Variants in MB observed in about 807,000 individuals in gnomAD.
The protein encoded by MB is nitrite reductase MB.
Under a neutral mutation model 14.5 loss-of-function variants are expected in MB, and 10 were observed. The ratio of observed to expected loss-of-function variants is 0.69; its 90% CI spans 0.43 to 1.17. The LOEUF (loss-of-function observed/expected upper bound fraction) is 1.17, where lower values mean the gene tolerates loss of function less well. Ranked by LOEUF, MB falls within the 50% of genes most tolerant of loss-of-function variation. The pLI, the probability that MB is intolerant of heterozygous loss-of-function variation, is 0.00. For synonymous variants in MB, 89 were observed against 78.6 expected (o/e 1.13, Z -0.70); for missense variants, 169 against 192.7 (o/e 0.88, Z 0.73).
At chr22:35,618,341 C>T (rs1005216686), upstream of MB, among the ~76,000 whole-genome samples, 1 of 152,134 alleles carries the variant, frequency 6.6e-6, no homozygotes, top group Non-Finnish European at 1.5e-5. Flanking sequence ...GTGCTTTGTG[C>T]CAAGTTTGAA....
Position 35,608,052 on chromosome 22 carries a change from G to T in MB, c.319-609C>A, listed in dbSNP as rs553958795. On this transcript the variant is annotated intron_variant, in intron 2 of 2. Coordinates refer to ENST00000397326, the MANE Select transcript of MB (RefSeq NM_005368.3). The surrounding 1 kb of genome is among the most constrained non-coding windows in gnomAD (Gnocchi z 4.3). Reference sequence around the variant, plus strand: ...AGAGAGAGGAAGAAGACAGGGATGAGGCCCGCGGCTGGCTCCCAGGATGGA... The same window carrying T: ...AGAGAGAGGAAGAAGACAGGGATGATGCCCGCGGCTGGCTCCCAGGATGGA... Among the ~76,000 whole-genome samples the T allele has an allele frequency of 5.9e-5, 9 of 152,278 alleles. No individual in the cohort carries two copies. In the South Asian group the frequency reaches 1.9e-3, roughly 32 times the overall value.
intron 1 of MB, among the ~76,000 whole-genome samples, chr22:35,611,311 G>T (rs1341172788): frequency 6.6e-6 from 1 of 152,164 alleles, no homozygotes. Flanking sequence ...GATAGTGTGT[G>T]CTATGTACCA....
intron 1 of MB, among the ~76,000 whole-genome samples, chr22:35,614,747 CATTAT>C (rs1569121035): frequency 6.6e-6 from 1 of 151,908 alleles, no homozygotes; most frequent in Non-Finnish European, 1.5e-5. Flanking sequence ...TTATCATTAT[CATTAT>C]CATTATCATC....
In MB at chr22:35,610,696, C is replaced by G. The variant is rs549069187; in HGVS notation, c.318+188G>C. Among the ~76,000 whole-genome samples, 9 of 152,294 alleles carry G rather than the reference C, an allele frequency of 5.9e-5. No homozygotes were observed. The South Asian group carries it at 1.9e-3, about 32-fold the overall frequency. On this transcript the variant is annotated intron_variant, in intron 2 of 2. Coordinates refer to ENST00000397326, the MANE Select transcript of MB (RefSeq NM_005368.3). ...ATTAAAAATGCTAAGTGTGTTCATT[C>G]TCAACAATCCCAGGAGGAAGGCAAA...
At position 35,607,440 on chromosome 22, in the gene MB, T is replaced by C. The variant is rs1198872473; in HGVS notation, c.322A>G (p.Ile108Val). The C allele has an allele frequency of 6.2e-7, 1 of 1,613,632 alleles. No individual in the cohort carries two copies. The highest frequency in any genetic ancestry group is 8.5e-7 in the Non-Finnish European group (1 of 1,179,650). ...AGAACCTGGATGATGCATTCCGAGA[T>C]GAACTGCAGGGAGGGTGAGGAGAGA... ...HKIPVKYLEF[I>V]SECIIQVLQS... Residue 108 changes from isoleucine to valine, a missense_variant, in exon 3 of 3, where the codon ATC becomes GTC. By Grantham distance (29) the Ile-to-Val change is conservative (BLOSUM62 3). Transcript: ENST00000397326.
At chr22:35,618,703 A>G (rs868648991), upstream of MB, among the ~76,000 whole-genome samples, 23 of 151,452 alleles carry the variant, frequency 1.5e-4, no homozygotes, top group Admixed American at 5.3e-4. Context: ...CTATCCATCC[A>G]CCCATCCATC....
intron 1 of MB, among the ~76,000 whole-genome samples, chr22:35,616,895 T>C (rs1338412058): frequency 6.6e-6 from 1 of 152,166 alleles, no homozygotes; most frequent in Non-Finnish European, 1.5e-5. Flanking sequence ...TGTCTATAAT[T>C]CTAAAATTCT....
At position 35,607,264 on chromosome 22, in the gene MB, G is replaced by A; in HGVS notation, c.*33C>T. On this transcript the variant is annotated 3_prime_UTR_variant, in exon 3 of 3. Transcript: ENST00000397326. ...GACCCCGCTCTCTCTTGAACCCGGGGCCCAGATGGGTGGGGGTGGGAGCGG... is the reference window on the plus strand; with the variant it reads ...GACCCCGCTCTCTCTTGAACCCGGGACCCAGATGGGTGGGGGTGGGAGCGG... 6.3e-7 allele frequency: 1 copy of A among 1,598,496 alleles called. No individual in the cohort carries two copies. The highest frequency in any genetic ancestry group is 8.5e-7 in the Non-Finnish European group (1 of 1,169,894).
intron 2 of MB, among the ~76,000 whole-genome samples, 177 bp from the exon 3 acceptor site, chr22:35,607,620 C>A (rs962567129): frequency 2.0e-5 from 3 of 152,182 alleles, no homozygotes; most frequent in Non-Finnish European, 2.9e-5. Flanking sequence ...TCCCCACAAC[C>A]ACTGTGAGAT....
chr22:35,614,436 A>G (rs187632404), intron 1 of MB, among the ~76,000 whole-genome samples: 58 of 152,050 alleles, frequency 3.8e-4, no homozygotes, highest in African/African-American at 1.4e-3. Context: ...AAAAATACAA[A>G]AATTAGCCAG....
At chr22:35,616,109 G>A (rs1341100698) in intron 1 of MB, among the ~76,000 whole-genome samples, 2 of 152,174 alleles carry the variant, frequency 1.3e-5, no homozygotes, top group African/African-American at 4.8e-5. Flanking sequence ...AAATTAAAGT[G>A]CCAAAGACAA....
rs2145913846 is a variant in MB at position 35,610,906 on chromosome 22, T to G, written c.296A>C (p.Lys99Thr). 3.7e-6 allele frequency: 6 copies of G among 1,614,046 alleles called. No homozygotes were observed. Among genetic ancestry groups the G allele is most frequent in the Non-Finnish European group, 5.1e-6 (6 of 1,179,970 alleles). Reference protein sequence around the residue: ...PLAQSHATKHKIPVKYLEFIS... With the variant: ...PLAQSHATKHTIPVKYLEFIS... The stretch of plus-strand genomic sequence containing the variant: ...TACCTCCAGGTACTTCACGGGGATC[T>G]TGTGCTTGGTGGCATGCGACTGTGC... The change falls in exon 2 of 3, where the codon AAG becomes ACG. Residue 99 changes from lysine to threonine, a missense_variant. Lys to Thr is a moderately conservative substitution (Grantham distance 78). Transcript: ENST00000397326.
At chr22:35,621,468 T>G (rs5995128), upstream of MB, among the ~76,000 whole-genome samples, 1 of 152,154 alleles carries the variant, frequency 6.6e-6, no homozygotes, top group Non-Finnish European at 1.5e-5. Flanking sequence ...GATTCCAGAC[T>G]TATAGAGAGC....
At chr22:35,614,455 G>A (rs1226396690) in intron 1 of MB, among the ~76,000 whole-genome samples, 1 of 149,170 alleles carries the variant, frequency 6.7e-6, no homozygotes, top group Non-Finnish European at 1.5e-5. Context: ...AGGCATGGTG[G>A]CATGCACCTG....
intron 1 of MB, among the ~76,000 whole-genome samples, 197 bp from the exon 2 acceptor site, chr22:35,611,303 T>G (rs145676828): frequency 2.6e-5 from 4 of 152,246 alleles, no homozygotes; most frequent in African/African-American, 7.2e-5. Flanking sequence ...TTAAGTGAGA[T>G]AGTGTGTGCT....
rs45489002 is a variant in MB, at chr22:35,612,247, C to T, written c.96-1141G>A. Among the ~76,000 whole-genome samples the T allele has an allele frequency of 5.7e-3, 868 of 152,172 alleles. 11 individuals are homozygous for T. The highest frequency in any genetic ancestry group is 0.02 in the African/African-American group (831 of 41,502). The stretch of plus-strand genomic sequence containing the variant: ...TAAAAGTACACAGTATGTATTGTGG[C>T]CACACTCCAGTTTGCGCCCTGAGCC... On this transcript the variant is annotated intron_variant, in intron 1 of 2. Transcript: ENST00000397326.
chr22:35,612,428 G>C (rs1021133591), intron 1 of MB, among the ~76,000 whole-genome samples: 10 of 152,092 alleles, frequency 6.6e-5, no homozygotes, highest in Non-Finnish European at 1.3e-4. Flanking sequence ...TTTTGAGATG[G>C]AATCTGGCTC....
upstream of MB, chr22:35,622,188 C>G (rs952293624): frequency 5.9e-5 from 9 of 152,360 alleles, no homozygotes; most frequent in African/African-American, 2.2e-4. Context: ...TCACTACTCT[C>G]TTCCTCCTCC....
chr22:35,618,918 A>C (rs377683793), upstream of MB, among the ~76,000 whole-genome samples: 2 of 112,236 alleles, frequency 1.8e-5, no homozygotes, highest in South Asian at 3.1e-4. Context: ...CCATCTATCT[A>C]TCTGTTCCTC....
Sources: gnomAD v4.1 joint callset for allele counts (sites outside exome capture counted in the v4.1 genomes callset) on GRCh38, gnomAD v4.1.1 for gene constraint, Gnocchi (gnomAD v3.1) non-coding constraint, MANE v1.5 for transcripts, NCBI Gene and HGNC (gene_info 2026-07-23, HGNC 2026-07-21) for gene names.